Variants in IL2RA observed in about 807,000 individuals in gnomAD.
IL2RA encodes the protein interleukin-2 receptor subunit alpha.
IL2RA carries 24 observed loss-of-function variants against 37.8 expected under a neutral mutation model. That is an observed-to-expected ratio of 0.63 (90% confidence interval 0.46 to 0.89). IL2RA has a LOEUF of 0.89. IL2RA is among the 40% of genes least tolerant of loss of function. The pLI is 0.00. For synonymous variants in IL2RA, 125 were observed against 114.6 expected (o/e 1.09, Z -0.58); for missense variants, 319 against 348.6 (o/e 0.92, Z 0.68).
chr10:6,034,281 G>C (rs1329419293), intron 1 of IL2RA, among the ~76,000 whole-genome samples: 4 of 152,142 alleles, frequency 2.6e-5, no homozygotes, highest in Non-Finnish European at 5.9e-5. Flanking sequence ...CTCCAGGTCT[G>C]TAGCTCAGTA....
Position 6,033,252 on chromosome 10 carries a change from CT to C in IL2RA, c.65-7228del, listed in dbSNP as rs754027289. ...GTTGCAGTGAGCTGAGATCACGCCA[CT>C]GCCCTCCAGCCTGGGCAACAGAGTG... is the stretch of plus-strand genomic sequence containing the variant. On this transcript the variant is annotated intron_variant, in intron 1 of 7. Coordinates refer to ENST00000379959, the MANE Select transcript of IL2RA (RefSeq NM_000417.3). The surrounding 1 kb of genome is among the most constrained non-coding windows in gnomAD (Gnocchi z 4.3). Among the ~76,000 whole-genome samples the C allele has an allele frequency of 2.0e-5, 3 of 152,040 alleles. No homozygotes were observed. The highest frequency in any genetic ancestry group is 4.4e-5 in the Non-Finnish European group (3 of 67,998).
Position 6,057,375 on chromosome 10 carries a change from G to A in IL2RA, c.64+4713C>T, listed in dbSNP as rs910898915. Among the ~76,000 whole-genome samples the A allele has an allele frequency of 2.6e-5, 4 of 152,216 alleles. No individual in the cohort carries two copies. The highest frequency in any genetic ancestry group is 9.6e-5 in the African/African-American group (4 of 41,552). On this transcript the variant is annotated intron_variant, in intron 1 of 7. Transcript: ENST00000379959. This position sits in a 1 kb window ranked among gnomAD's most constrained non-coding sequence, Gnocchi z 4.8. The stretch of plus-strand genomic sequence containing the variant: ...TTGGGTGCATTGATACACAAAAGTC[G>A]CTCAACCCTGACCGTGCCAGTATGT...
intron 7 of IL2RA, among the ~76,000 whole-genome samples, chr10:6,016,014 T>TACAACATTGCA (rs1462843635): frequency 1.3e-5 from 2 of 152,158 alleles, no homozygotes; most frequent in Admixed American, 1.3e-4. Flanking sequence ...GGGATGGCTG[T>TACAACATTGCA]ACAACATTGC....
chr10:6,061,200 G>A (rs138871061), intron 1 of IL2RA, among the ~76,000 whole-genome samples: 3 of 152,150 alleles, frequency 2.0e-5, no homozygotes, highest in African/African-American at 4.8e-5. Flanking sequence ...ACCAGCTTGG[G>A]CAACATGGCA....
chr10:6,031,262 A>G (rs1589298587), intron 1 of IL2RA, among the ~76,000 whole-genome samples: 1 of 151,580 alleles, frequency 6.6e-6, no homozygotes, highest in Admixed American at 6.6e-5. Context: ...GGTTGAGAAA[A>G]CAGGATAGAA....
chr10:6,031,478 A>ATG (rs1839582588), intron 1 of IL2RA, among the ~76,000 whole-genome samples: 1 of 28,052 alleles, frequency 3.6e-5, no homozygotes, highest in Non-Finnish European at 6.4e-5. Context: ...ATATATATAT[A>ATG]TATATATATA....
In IL2RA at chr10:6,057,394, A is replaced by T. The variant is rs1388650743; in HGVS notation, c.64+4694T>A. Reference sequence around the variant, plus strand: ...AAAGTCGCTCAACCCTGACCGTGCCAGTATGTCTTCATTTGGGAAACTTTT... The same window carrying T: ...AAAGTCGCTCAACCCTGACCGTGCCTGTATGTCTTCATTTGGGAAACTTTT... On this transcript the variant is annotated intron_variant, in intron 1 of 7. Transcript: ENST00000379959. This position sits in a 1 kb window ranked among gnomAD's most constrained non-coding sequence, Gnocchi z 4.8. Among the ~76,000 whole-genome samples, 5 of 152,338 alleles carry T rather than the reference A, an allele frequency of 3.3e-5. No homozygotes were observed. In the East Asian group the frequency reaches 9.6e-4, roughly 29 times the overall value.
At position 6,015,080 on chromosome 10, in the gene IL2RA, CTTTT is replaced by C; in HGVS notation, c.795-2188_795-2185del. 6.6e-6 allele frequency among the ~76,000 whole-genome samples: 1 copy of C among 151,396 alleles called. No homozygotes were observed. Among genetic ancestry groups the C allele is most frequent in the Admixed American group, 6.6e-5 (1 of 15,180 alleles). On this transcript the variant is annotated intron_variant, in intron 7 of 7. Coordinates refer to ENST00000379959, the MANE Select transcript of IL2RA (RefSeq NM_000417.3). This position sits in a 1 kb window ranked among gnomAD's most constrained non-coding sequence, Gnocchi z 4.9. ...TAGAGTTTACTTTTTCTTTTTCTTTCTTTTCTTTTTTCTTTCTTTCTTTTTTTTT... is the reference window on the plus strand; with the variant it reads ...TAGAGTTTACTTTTTCTTTTTCTTTCCTTTTTTCTTTCTTTCTTTTTTTTT...
At position 6,056,010 on chromosome 10, in the gene IL2RA, T is replaced by A. The variant is rs1005699937; in HGVS notation, c.64+6078A>T. Among the ~76,000 whole-genome samples the A allele has an allele frequency of 1.3e-5, 2 of 152,214 alleles. No homozygotes were observed. Among genetic ancestry groups the A allele is most frequent in the African/African-American group, 4.8e-5 (2 of 41,454 alleles). ...CCCAGTGGGAACTGTGTTTTCTTTTTGACAGAAGCAAACCACGGAGTCGCC... is the reference window on the plus strand; with the variant it reads ...CCCAGTGGGAACTGTGTTTTCTTTTAGACAGAAGCAAACCACGGAGTCGCC... On this transcript the variant is annotated intron_variant, in intron 1 of 7. Coordinates refer to ENST00000379959, the MANE Select transcript of IL2RA (RefSeq NM_000417.3). This position sits in a 1 kb window ranked among gnomAD's most constrained non-coding sequence, Gnocchi z 5.0.
intron 1 of IL2RA, chr10:6,039,857 AG>A (rs1839744254): frequency 6.6e-6 from 1 of 152,282 alleles, no homozygotes; most frequent in Non-Finnish European, 1.5e-5. Flanking sequence ...CTCTTGACAT[AG>A]TACCCCTTGC....
chr10:6,025,335 C>G lies in IL2RA; in HGVS notation c.256+499G>C, dbSNP rs1839463337. On this transcript the variant is annotated intron_variant, in intron 2 of 7. Coordinates refer to ENST00000379959, the MANE Select transcript of IL2RA (RefSeq NM_000417.3). This position sits in a 1 kb window ranked among gnomAD's most constrained non-coding sequence, Gnocchi z 4.4. ...TACCACCGCACCCCAGCCTGGGCAA[C>G]AGAGCGAGACTGTCTCAAAAATAAA... Among the ~76,000 whole-genome samples, 1 of 152,014 alleles carries G rather than the reference C, an allele frequency of 6.6e-6. No individual in the cohort carries two copies. Among genetic ancestry groups the G allele is most frequent in the Non-Finnish European group, 1.5e-5 (1 of 68,008 alleles).
In IL2RA at chr10:6,031,522, G is replaced by A. The variant is rs868382340; in HGVS notation, c.65-5497C>T. Among the ~76,000 whole-genome samples the A allele has an allele frequency of 6.4e-3, 427 of 67,022 alleles. 7 individuals are homozygous for A. The highest frequency in any genetic ancestry group is 0.019 in the African/African-American group (368 of 19,472). 44.0% of individuals were successfully genotyped at this position (67,022 alleles called of 152,430 possible). A position where few individuals can be genotyped will look rare whatever the true frequency, so the allele number is the denominator to read the frequency against. ...TATATATATATATATGTATATATATGTATATATATATCACTTGTAGTTAGT... is the reference window on the plus strand; with the variant it reads ...TATATATATATATATGTATATATATATATATATATATCACTTGTAGTTAGT... On this transcript the variant is annotated intron_variant, in intron 1 of 7. Transcript: ENST00000379959.
At position 6,054,497 on chromosome 10, in the gene IL2RA, G is replaced by A. The variant is rs41294919; in HGVS notation, c.64+7591C>T. The stretch of plus-strand genomic sequence containing the variant: ...GCTGTCTGTCTGAGCAAAAGTATTC[G>A]TTTTTGTCCGAGAATCTGAGACTCA... On this transcript the variant is annotated intron_variant, in intron 1 of 7. Coordinates refer to ENST00000379959, the MANE Select transcript of IL2RA (RefSeq NM_000417.3). The surrounding 1 kb of genome is among the most constrained non-coding windows in gnomAD (Gnocchi z 4.5). Among the ~76,000 whole-genome samples the A allele has an allele frequency of 0.014, 2,128 of 152,244 alleles. 51 individuals are homozygous for A. The highest frequency in any genetic ancestry group is 0.1 in the South Asian group (489 of 4,824).
intron 1 of IL2RA, among the ~76,000 whole-genome samples, chr10:6,026,379 A>T (rs1445252288): frequency 1.3e-5 from 2 of 152,270 alleles, no homozygotes; most frequent in Non-Finnish European, 2.9e-5. Context: ...CGTACATTTA[A>T]TTGAGGGGCA....
intron 1 of IL2RA, among the ~76,000 whole-genome samples, chr10:6,041,707 C>T (rs2132881617): frequency 6.6e-6 from 1 of 152,252 alleles, no homozygotes; most frequent in Middle Eastern, 3.4e-3. Flanking sequence ...TTTGTTATGT[C>T]AAGAGACGTC....
At chr10:6,039,449 G>A (rs1400588131) in intron 1 of IL2RA, 1 of 152,094 alleles carries the variant, frequency 6.6e-6, no homozygotes, top group Admixed American at 6.6e-5. Flanking sequence ...TGATGGATAG[G>A]ACAGACAGAA....
At position 6,021,482 on chromosome 10, in the gene IL2RA, A is replaced by T. The variant is rs376008631; in HGVS notation, c.579T>A (p.Phe193Leu). The change falls in exon 4 of 8, where the codon TTT becomes TTA. Residue 193 changes from phenylalanine (F) to leucine (L), a missense_variant. By Grantham distance (22) the Phe-to-Leu change is conservative. Transcript: ENST00000379959. The surrounding 1 kb of genome is among the most constrained non-coding windows in gnomAD (Gnocchi z 4.9). ...CCCAGAAGGGAGCCACCCTACCTGGAAACTGACTGGTCTCCATTTCACCTG... is the reference window on the plus strand; with the variant it reads ...CCCAGAAGGGAGCCACCCTACCTGGTAACTGACTGGTCTCCATTTCACCTG... Reference protein sequence around the residue: ...ICTGEMETSQFPGEEKPQASP... With the variant: ...ICTGEMETSQLPGEEKPQASP... 5 of 1,613,636 alleles carry T rather than the reference A, an allele frequency of 3.1e-6. No homozygotes were observed. Among genetic ancestry groups the T allele is most frequent in the Non-Finnish European group, 4.2e-6 (5 of 1,179,868 alleles).
In IL2RA at chr10:6,018,332, G is replaced by A. The variant is rs1427911192; in HGVS notation, c.728-213C>T. ...GGAGGACAGGGTGAGGGTGGAGGGAGCTTCCCCTCAGGAGGCACCCTTCTC... is the reference window on the plus strand; with the variant it reads ...GGAGGACAGGGTGAGGGTGGAGGGAACTTCCCCTCAGGAGGCACCCTTCTC... On this transcript the variant is annotated intron_variant, in intron 6 of 7. Coordinates refer to ENST00000379959, the MANE Select transcript of IL2RA (RefSeq NM_000417.3). This position sits in a 1 kb window ranked among gnomAD's most constrained non-coding sequence, Gnocchi z 5.1. Among the ~76,000 whole-genome samples, 1 of 152,134 alleles carries A rather than the reference G, an allele frequency of 6.6e-6. No homozygotes were observed. Among genetic ancestry groups the A allele is most frequent in the South Asian group, 2.1e-4 (1 of 4,830 alleles).
chr10:6,032,700 A>T (rs1054946979), intron 1 of IL2RA, among the ~76,000 whole-genome samples: 1 of 151,934 alleles, frequency 6.6e-6, no homozygotes, highest in Admixed American at 6.6e-5. Context: ...CTCAAAAAAA[A>T]AAAAAAGAAA....
Sources: gnomAD v4.1 joint callset for allele counts (sites outside exome capture counted in the v4.1 genomes callset) on GRCh38, gnomAD v4.1.1 for gene constraint, Gnocchi (gnomAD v3.1) non-coding constraint, MANE v1.5 for transcripts, NCBI Gene and HGNC (gene_info 2026-07-23, HGNC 2026-07-21) for gene names.